ARMH4: variants seen among roughly 807,000 people sequenced by gnomAD.
ARMH4 encodes the protein armadillo like helical domain containing 4, also known as armadillo-like helical domain-containing protein 4.
A neutral mutation model predicts 61.9 loss-of-function variants in ARMH4; 49 were observed. The ratio of observed to expected loss-of-function variants is 0.79; its 90% CI spans 0.63 to 1.00. The LOEUF is 1.00. Ranked by LOEUF, ARMH4 falls within the 50% of genes least tolerant of loss-of-function variation. The probability of loss-of-function intolerance (pLI) is 0.00; values close to 1 mark genes in which losing one functional copy is unlikely to be tolerated. For synonymous variants in ARMH4, 368 were observed against 341.5 expected (o/e 1.08, Z -0.85); for missense variants, 934 against 930.0 (o/e 1.00, Z -0.06).
chr14:58,081,532 G>A (rs181058243), intron 5 of ARMH4, among the ~76,000 whole-genome samples: 3 of 147,102 alleles, frequency 2.0e-5, no homozygotes, highest in East Asian at 2.0e-4. Context: ...ACGGAATCTC[G>A]CTCTGTCACC....
intron 5 of ARMH4, among the ~76,000 whole-genome samples, chr14:58,020,580 C>T (rs1034433039): frequency 4.6e-5 from 7 of 152,200 alleles, no homozygotes; most frequent in African/African-American, 1.4e-4. Flanking sequence ...CTGTCTCTCT[C>T]TTCCTGTCTG....
rs569959827 is a variant in ARMH4 at position 58,057,422 on chromosome 14, A to G, written c.2089+39302T>C. Among the ~76,000 whole-genome samples, 5 of 152,350 alleles carry G rather than the reference A, an allele frequency of 3.3e-5. No homozygotes were observed. The East Asian group carries it at 9.6e-4, about 29-fold the overall frequency. ...ATGAACTATTGTCTTCAATTTACAG[A>G]TGAGGAAAATATACAGCTTAGAAGG... is the stretch of plus-strand genomic sequence containing the variant. On this transcript the variant is annotated intron_variant, in intron 5 of 7. Coordinates refer to ENST00000267485, the MANE Select transcript of ARMH4 (RefSeq NM_001001872.4).
At chr14:58,102,011 C>A (rs190917802) in intron 4 of ARMH4, among the ~76,000 whole-genome samples, 5 of 152,180 alleles carry the variant, frequency 3.3e-5, no homozygotes, top group Admixed American at 2.0e-4. Context: ...AACTTGGTGG[C>A]CTGCTGGGCT....
intron 5 of ARMH4, among the ~76,000 whole-genome samples, chr14:58,019,167 C>T (rs1882722658): frequency 6.6e-6 from 1 of 152,066 alleles, no homozygotes; most frequent in Admixed American, 6.6e-5. Context: ...GGAATAAGTT[C>T]AAGAGATCTA....
Position 58,096,837 on chromosome 14 carries a change from G to C in ARMH4, c.1976C>G (p.Pro659Arg). 1 of 1,614,138 alleles carries C rather than the reference G, an allele frequency of 6.2e-7. No homozygotes were observed. The highest frequency in any genetic ancestry group is 1.6e-4 in the Middle Eastern group (1 of 6,062). ...GDTELPGFTLPGITSQEPGLE... is the reference protein window; with the variant it reads ...GDTELPGFTLRGITSQEPGLE... ...GCCTGGTTCCTGGGATGTGATACCA[G>C]GGAGGGTAAAACCTGGCAGCTCAGT... The change falls in exon 5 of 8, where the codon CCT becomes CGT. Residue 659 changes from proline to arginine, a missense_variant. Coordinates refer to ENST00000267485, the MANE Select transcript of ARMH4 (RefSeq NM_001001872.4).
Position 58,004,594 on chromosome 14 carries a change from TC to T in ARMH4, c.*141del. 1.5e-6 allele frequency: 1 copy of T among 672,496 alleles called. No homozygotes were observed. The highest frequency in any genetic ancestry group is 2.6e-6 in the Non-Finnish European group (1 of 380,220). The allele number at this position is 672,496 out of a possible 1,614,324, so 41.7% of individuals were successfully genotyped here. A position where few individuals can be genotyped will look rare whatever the true frequency, so the allele number is the denominator to read the frequency against. On this transcript the variant is annotated 3_prime_UTR_variant, in exon 8 of 8. Coordinates refer to ENST00000267485, the MANE Select transcript of ARMH4 (RefSeq NM_001001872.4). ...CCATTTCTGCTCAGTACAAGAAAAA[TC>T]TACTACCCAGCACCCAGCAGACACT... is the stretch of plus-strand genomic sequence containing the variant.
chr14:58,035,898 G>T (rs1883464493), intron 5 of ARMH4, among the ~76,000 whole-genome samples: 1 of 139,514 alleles, frequency 7.2e-6, no homozygotes, highest in African/African-American at 2.6e-5. Context: ...TGAAATTGTG[G>T]CAATAATCAA....
chr14:58,083,501 T>G (rs1436605221), intron 5 of ARMH4, among the ~76,000 whole-genome samples: 1 of 152,156 alleles, frequency 6.6e-6, no homozygotes, highest in Admixed American at 6.5e-5. Context: ...GAGAATTGCT[T>G]GAACTCGGGA....
At chr14:58,012,182 A>G in intron 5 of ARMH4, 32 bp from the exon 6 acceptor site, 1 of 1,282,622 alleles carries the variant, frequency 7.8e-7, no homozygotes, top group African/African-American at 1.5e-5. Flanking sequence ...AAAATGAAAT[A>G]ACCATCTTTT....
At chr14:58,066,419 G>T (rs1002895417) in intron 5 of ARMH4, among the ~76,000 whole-genome samples, 1 of 152,164 alleles carries the variant, frequency 6.6e-6, no homozygotes, top group Non-Finnish European at 1.5e-5. Flanking sequence ...GAGGAGAATG[G>T]GGAGTAATTG....
At chr14:58,040,197 C>T (rs1566552402) in intron 5 of ARMH4, among the ~76,000 whole-genome samples, 3 of 151,862 alleles carry the variant, frequency 2.0e-5, no homozygotes, top group African/African-American at 7.3e-5. Flanking sequence ...TTCAAGGGTA[C>T]ATGAGCAGGT....
chr14:58,061,993 A>G (rs1012378444), intron 5 of ARMH4, among the ~76,000 whole-genome samples: 1 of 151,884 alleles, frequency 6.6e-6, no homozygotes, highest in African/African-American at 2.4e-5. Context: ...AAAAAAAGCA[A>G]ACAAAAACAG....
intron 4 of ARMH4, among the ~76,000 whole-genome samples, chr14:58,100,135 C>A (rs1192255635): frequency 6.6e-6 from 1 of 151,742 alleles, no homozygotes; most frequent in Non-Finnish European, 1.5e-5. Context: ...GGAAGGTGGG[C>A]AGATTTGGTG....
chr14:58,146,006 C>T (rs1318631046), intron 1 of ARMH4, among the ~76,000 whole-genome samples: 1 of 152,244 alleles, frequency 6.6e-6, no homozygotes, highest in Non-Finnish European at 1.5e-5. Flanking sequence ...ATGGGAGTTA[C>T]ATGATGCTCA....
At chr14:58,086,164 G>A (rs1318709511) in intron 5 of ARMH4, among the ~76,000 whole-genome samples, 2 of 152,146 alleles carry the variant, frequency 1.3e-5, no homozygotes, top group East Asian at 3.9e-4. Flanking sequence ...CCATGAGAGT[G>A]CCATCTGATT....
chr14:58,135,329 G>A (rs1366881443), intron 2 of ARMH4, among the ~76,000 whole-genome samples: 2 of 152,084 alleles, frequency 1.3e-5, no homozygotes, highest in Non-Finnish European at 2.9e-5. Context: ...TGTACCTCTA[G>A]CACATAGGGC....
chr14:58,046,120 G>A (rs1820593760), intron 5 of ARMH4, among the ~76,000 whole-genome samples: 1 of 152,176 alleles, frequency 6.6e-6, no homozygotes, highest in South Asian at 2.1e-4. Context: ...AAGGAAAGTA[G>A]TATAATACAA....
rs1882070570 is a variant in ARMH4, at chr14:58,004,013, CTGTTG to C, written c.*718_*722del. On this transcript the variant is annotated 3_prime_UTR_variant, in exon 8 of 8. Transcript: ENST00000267485. ...ACATGTATGACATGTATGATTGAGTCTGTTGGACTCAATCACACTATTTAAGACAG... is the reference window on the plus strand; with the variant it reads ...ACATGTATGACATGTATGATTGAGTCGACTCAATCACACTATTTAAGACAG... The C allele has an allele frequency of 6.6e-6, 1 of 152,152 alleles. No homozygotes were observed. Among genetic ancestry groups the C allele is most frequent in the Non-Finnish European group, 1.5e-5 (1 of 68,042 alleles). The allele number at this position is 152,152 out of a possible 1,614,324, so 9.4% of individuals were successfully genotyped here.
intron 1 of ARMH4, among the ~76,000 whole-genome samples, chr14:58,150,759 C>A (rs908707086): frequency 6.6e-5 from 10 of 152,014 alleles, no homozygotes; most frequent in Non-Finnish European, 7.4e-5. Context: ...AAAAAAAAAA[C>A]CACTTTATTC....
Sources: allele counts gnomAD v4.1 joint callset (sites outside exome capture counted in the v4.1 genomes callset), GRCh38; gene constraint gnomAD v4.1.1; transcripts MANE v1.5; gene names NCBI Gene and HGNC (gene_info 2026-07-23, HGNC 2026-07-21).